The following SAG variants were observed in gnomAD, a reference collection of about 807,000 sequenced individuals.
SAG encodes S-arrestin.
In SAG, 45 loss-of-function variants were observed where a neutral mutation model predicts 55.0. The ratio of observed to expected loss-of-function variants is 0.82; its 90% confidence interval spans 0.64 to 1.05. SAG has a LOEUF of 1.05. Among genes scored for constraint, SAG ranks in the 50% least tolerant of loss-of-function variants. The pLI is 0.00. For missense variants in SAG, 455 were observed against 512.1 expected, an observed-to-expected ratio of 0.89 and a Z score of 1.08; for synonymous variants, 189 against 197.4, an observed-to-expected ratio of 0.96 and a Z score of 0.36.
At chr2:233,333,278 G>C (rs1700824409) in intron 10 of SAG, 1 of 152,230 alleles carries the variant, frequency 6.6e-6, no homozygotes, top group Non-Finnish European at 1.5e-5. Context: ...GCCCTGGAGG[G>C]GTCTTGGCCC....
At chr2:233,341,846 G>C (rs1701113789) in intron 13 of SAG, among the ~76,000 whole-genome samples, 1 of 152,146 alleles carries the variant, frequency 6.6e-6, no homozygotes, top group South Asian at 2.1e-4. Context: ...AAGCTGGGCA[G>C]GGTGGCTCAT....
At chr2:233,335,230 G>GT in intron 11 of SAG, 131 bp downstream of exon 11, 1 of 1,211,740 alleles carries the variant, frequency 8.3e-7, no homozygotes, top group Non-Finnish European at 1.1e-6. Flanking sequence ...GTAGTGTGGA[G>GT]TGCATATCTA....
chr2:233,323,714 A>G (rs1389720460), intron 6 of SAG, among the ~76,000 whole-genome samples: 1 of 152,166 alleles, frequency 6.6e-6, no homozygotes, highest in Non-Finnish European at 1.5e-5. Flanking sequence ...AAACGTACCC[A>G]AAAGTAGAGA....
chr2:233,335,099 T>A lies in SAG; in HGVS notation c.944T>A (p.Ile315Asn). The change falls in exon 11 of 16, where the codon ATC (isoleucine) becomes AAC (asparagine). Residue 315 changes from isoleucine to asparagine, a missense_variant and splice_region_variant. Transcript: ENST00000409110. ...HEDTNLASST[I>N]IKEGIDRTVL... ...GACACAAACCTTGCCTCCAGCACCA[T>A]GTGAGTCCTCGAGGCTCAGGGAATA... 6.2e-7 allele frequency: 1 copy of A among 1,608,798 alleles called. No homozygotes were observed. The highest frequency in any genetic ancestry group is 1.1e-5 in the South Asian group (1 of 90,928).
chr2:233,323,591 G>A (rs913372758), intron 6 of SAG, among the ~76,000 whole-genome samples: 2 of 152,028 alleles, frequency 1.3e-5, no homozygotes, highest in African/African-American at 2.4e-5. Context: ...TCGAACTCCC[G>A]ACCTCAGGTG....
At chr2:233,321,609 G>A (rs1700382174) in intron 5 of SAG, among the ~76,000 whole-genome samples, 1 of 152,156 alleles carries the variant, frequency 6.6e-6, no homozygotes, top group African/African-American at 2.4e-5. Context: ...TGGGGGGTTG[G>A]AGGATGGGGA....
chr2:233,341,296 A>T (rs955324372), intron 13 of SAG, among the ~76,000 whole-genome samples: 1 of 152,210 alleles, frequency 6.6e-6, no homozygotes, highest in Non-Finnish European at 1.5e-5. Context: ...GGTGCACGCC[A>T]CTATGCCCGA....
At chr2:233,329,604 G>A (rs1354779224) in intron 9 of SAG, 27 bp downstream of exon 9, 2 of 1,495,610 alleles carry the variant, frequency 1.3e-6, no homozygotes, top group African/African-American at 1.4e-5. Flanking sequence ...AGAAGTAGAG[G>A]GCATAGTCTT....
In SAG at chr2:233,327,313, G is replaced by A. The variant is rs1466709279; in HGVS notation, c.512+116G>A. On this transcript the variant is annotated intron_variant, in intron 7 of 15. Transcript: ENST00000409110. ...TTCCCATAGGGCTGGCACGGCTGGG[G>A]TACCATCTGCATGTGGGATGGAGGT... The A allele has an allele frequency of 1.4e-5, 11 of 767,188 alleles. No individual in the cohort carries two copies. The Admixed American group carries it at 2.1e-4, about 14-fold the overall frequency. The allele number at this position is 767,188 out of a possible 1,614,324, so 47.5% of individuals were successfully genotyped here. A position where few individuals can be genotyped will look rare whatever the true frequency, so the allele number is the denominator to read the frequency against.
chr2:233,327,201 A>G lies in SAG; in HGVS notation c.512+4A>G, dbSNP rs778120996. 3.7e-6 allele frequency: 6 copies of G among 1,612,608 alleles called. No homozygotes were observed. The highest frequency in any genetic ancestry group is 2.7e-5 in the African/African-American group (2 of 74,836). On this transcript the variant is annotated splice_donor_region_variant and intron_variant, in intron 7 of 15. Coordinates refer to ENST00000409110, the MANE Select transcript of SAG (RefSeq NM_000541.5). ...AAGAGGACAAAATCCCCAAGAAGTAAGAGTATGGTTGCGGAATAGGTGAGG... is the reference window on the plus strand; with the variant it reads ...AAGAGGACAAAATCCCCAAGAAGTAGGAGTATGGTTGCGGAATAGGTGAGG...
intron 6 of SAG, 148 bp downstream of exon 6, chr2:233,323,153 G>T: frequency 1.5e-6 from 1 of 658,952 alleles, no homozygotes; most frequent in African/African-American, 1.8e-5. Context: ...GTGGTTTCTG[G>T]GCTCAAGTGA....
intron 11 of SAG, among the ~76,000 whole-genome samples, chr2:233,337,987 A>G (rs1319983139): frequency 6.6e-6 from 1 of 152,230 alleles, no homozygotes; most frequent in Non-Finnish European, 1.5e-5. Context: ...GTCACATTGC[A>G]CTGTCTTTGG....
intron 14 of SAG, chr2:233,346,194 G>A: frequency 5.9e-6 from 2 of 338,078 alleles, no homozygotes; most frequent in Non-Finnish European, 1.1e-5. Context: ...TAAATAAAAT[G>A]CAAGGAGAAA....
chr2:233,316,211 A>C (rs2125324318), intron 3 of SAG, 76 bp downstream of exon 3: 2 of 845,198 alleles, frequency 2.4e-6, no homozygotes, highest in East Asian at 2.8e-5. Context: ...TGTTTTTAAA[A>C]ACTGGCCTTG....
At chr2:233,312,741 G>A (rs774407648) in intron 2 of SAG, among the ~76,000 whole-genome samples, 1 of 152,164 alleles carries the variant, frequency 6.6e-6, no homozygotes, top group Non-Finnish European at 1.5e-5. Context: ...TGCTCAGAGA[G>A]CATGCCCTCA....
chr2:233,316,219 T>C (rs1700214355), intron 3 of SAG, 84 bp downstream of exon 3: 3 of 774,864 alleles, frequency 3.9e-6, no homozygotes, highest in South Asian at 1.6e-5. Flanking sequence ...AAAACTGGCC[T>C]TGCTAATAAT....
intron 2 of SAG, among the ~76,000 whole-genome samples, chr2:233,312,019 G>A (rs534092088): frequency 5.9e-5 from 9 of 152,150 alleles, no homozygotes; most frequent in African/African-American, 1.9e-4. Context: ...CCAGCTACTC[G>A]GGAGGCTGAG....
intron 4 of SAG, chr2:233,320,031 C>A (rs1369150424): frequency 1.0e-6 from 1 of 961,520 alleles, no homozygotes; most frequent in Non-Finnish European, 1.2e-6. Context: ...CAGGTCTGTT[C>A]AACAAGTAGA....
Position 233,309,224 on chromosome 2 carries a change from C to T in SAG, c.35C>T (p.Pro12Leu), listed in dbSNP as rs183383266. 864 of 1,613,684 alleles carry T rather than the reference C, an allele frequency of 5.4e-4. 3 individuals are homozygous for T. Among genetic ancestry groups the T allele is most frequent in the Non-Finnish European group, 6.5e-4 (768 of 1,179,778 alleles). The part of the protein sequence containing the change: ...AASGKTSKSE[P>L]NHVIFKKISR... ...AGCGGGAAGACCAGCAAGTCCGAAC[C>T]GAACCATGTTATCTTCAAGAAGATC... Residue 12 changes from proline (P) to leucine (L), a missense_variant, in exon 2 of 16, where the codon CCG (proline) becomes CTG (leucine). Transcript: ENST00000409110.
Sources: allele counts gnomAD v4.1 joint callset (sites outside exome capture counted in the v4.1 genomes callset), GRCh38; gene constraint gnomAD v4.1.1; transcripts MANE v1.5; gene names NCBI Gene and HGNC (gene_info 2026-07-23, HGNC 2026-07-21).